Variants in SULT1B1 observed in about 807,000 individuals in gnomAD.
SULT1B1 encodes sulfotransferase 1B1.
A neutral mutation model predicts 34.6 loss-of-function variants in SULT1B1; 28 were observed. The observed-to-expected ratio is 0.81, with a 90% CI of 0.60 to 1.11. The LOEUF (loss-of-function observed/expected upper bound fraction) is 1.11, where lower values mean the gene tolerates loss of function less well. SULT1B1 is among the 50% of genes least tolerant of loss of function. The probability of loss-of-function intolerance (pLI) is 0.00; values close to 1 mark genes in which losing one functional copy is unlikely to be tolerated. For missense variants in SULT1B1, 374 were observed against 352.2 expected (o/e 1.06, Z -0.50); for synonymous variants, 147 against 110.2 (o/e 1.33, Z -2.09).
intron 3 of SULT1B1, among the ~76,000 whole-genome samples, chr4:69,753,423 T>A (rs1237549545): frequency 6.6e-6 from 1 of 152,210 alleles, no homozygotes; most frequent in Non-Finnish European, 1.5e-5. Flanking sequence ...CTCTATATAA[T>A]TTTTCTTTGC....
rs1240665958 is a variant in SULT1B1, at chr4:69,752,014, T to C, written c.278-2196A>G. On this transcript the variant is annotated intron_variant, in intron 3 of 7. Coordinates refer to ENST00000310613, the MANE Select transcript of SULT1B1 (RefSeq NM_014465.4). ...CCCTCAGTTCCAAGCTTTCCAAGGA[T>C]AGGCATGTTTAAGAACATCAAGACA... Among the ~76,000 whole-genome samples the C allele has an allele frequency of 2.0e-5, 3 of 152,356 alleles. No homozygotes were observed. In the East Asian group the frequency reaches 5.8e-4, roughly 29 times the overall value.
chr4:69,729,954 C>A (rs777562944), intron 7 of SULT1B1, among the ~76,000 whole-genome samples: 4 of 152,028 alleles, frequency 2.6e-5, no homozygotes, highest in Non-Finnish European at 5.9e-5. Flanking sequence ...CAGTAAATGC[C>A]ATATTCTTCT....
intron 1 of SULT1B1, among the ~76,000 whole-genome samples, chr4:69,756,960 G>GACACAC (rs3076390): frequency 1.6e-4 from 24 of 147,898 alleles, no homozygotes; most frequent in African/African-American, 5.2e-4. Context: ...CACCCTCACA[G>GACACAC]ACACACACAC....
In SULT1B1 at chr4:69,755,401, G is replaced by C. The variant is rs1368881371; in HGVS notation, c.-44-140C>G. On this transcript the variant is annotated intron_variant, in intron 1 of 7. Coordinates refer to ENST00000310613, the MANE Select transcript of SULT1B1 (RefSeq NM_014465.4). ...TAAGTACAAAGGGCATATTTTGTGG[G>C]CATTAGGTGCAGTAGATTGCAAGAG... 4 of 583,736 alleles carry C rather than the reference G, an allele frequency of 6.9e-6. No homozygotes were observed. In the East Asian group the frequency reaches 1.1e-4, roughly 17 times the overall value. The allele number at this position is 583,736 out of a possible 1,614,324, so 36.2% of individuals were successfully genotyped here. A position where few individuals can be genotyped will look rare whatever the true frequency, so the allele number is the denominator to read the frequency against.
chr4:69,732,325 C>G (rs1287762685), intron 6 of SULT1B1, among the ~76,000 whole-genome samples: 2 of 152,046 alleles, frequency 1.3e-5, no homozygotes, highest in Non-Finnish European at 2.9e-5. Context: ...TACGAGAAAC[C>G]CCTGGGAGTT....
intron 7 of SULT1B1, among the ~76,000 whole-genome samples, chr4:69,728,019 A>G (rs1372758369): frequency 6.6e-6 from 1 of 152,064 alleles, no homozygotes; most frequent in Non-Finnish European, 1.5e-5. Flanking sequence ...CTTTTAAAAG[A>G]AAAACATTCC....
intron 4 of SULT1B1, among the ~76,000 whole-genome samples, chr4:69,739,534 T>A (rs1376653553): frequency 1.3e-5 from 2 of 152,318 alleles, no homozygotes; most frequent in East Asian, 3.9e-4. Context: ...AGACTGCACA[T>A]AGCAGGAGGG....
At chr4:69,753,324 C>A (rs1394033) in intron 3 of SULT1B1, among the ~76,000 whole-genome samples, 80,533 of 151,588 alleles carry the variant, frequency 0.53, 21,681 homozygotes, top group South Asian at 0.56. Flanking sequence ...CAACAAGTCA[C>A]AAATATGTCT....
At chr4:69,745,771 T>A (rs1260218450) in intron 4 of SULT1B1, among the ~76,000 whole-genome samples, 2 of 152,234 alleles carry the variant, frequency 1.3e-5, no homozygotes, top group Non-Finnish European at 2.9e-5. Flanking sequence ...ATGGTTATTA[T>A]GTAGACTTGA....
At chr4:69,758,938 G>T (rs1026166831) in intron 1 of SULT1B1, among the ~76,000 whole-genome samples, 3 of 152,194 alleles carry the variant, frequency 2.0e-5, no homozygotes, top group Admixed American at 6.5e-5. Context: ...TGTTGGAAAT[G>T]TGGAATCTCA....
In SULT1B1 at chr4:69,722,301, C is replaced by G. The variant is rs1414046074; in HGVS notation, c.*4787G>C. On this transcript the variant is annotated 3_prime_UTR_variant, in exon 8 of 8. Transcript: ENST00000310613. ...AAAATGTGGAAATTATTTTATCTTGCTAGTGAAGAAAGTGTAGCTAATCTA... is the reference window on the plus strand; with the variant it reads ...AAAATGTGGAAATTATTTTATCTTGGTAGTGAAGAAAGTGTAGCTAATCTA... 6.6e-6 allele frequency: 1 copy of G among 152,006 alleles called. No homozygotes were observed. The allele number at this position is 152,006 out of a possible 1,614,324, so 9.4% of individuals were successfully genotyped here.
intron 4 of SULT1B1, among the ~76,000 whole-genome samples, chr4:69,747,900 CA>C (rs890530666): frequency 2.0e-5 from 3 of 152,108 alleles, no homozygotes; most frequent in African/African-American, 7.2e-5. Flanking sequence ...CCAGGGTCTG[CA>C]TTCTCCCTCT....
At position 69,723,842 on chromosome 4, in the gene SULT1B1, T is replaced by G. The variant is rs1717725683; in HGVS notation, c.*3246A>C. ...ATTCAACAGCCTTCATGCTAAAAAC[T>G]CTCAATAAATTAGGTATTGATGGAA... On this transcript the variant is annotated 3_prime_UTR_variant, in exon 8 of 8. Coordinates refer to ENST00000310613, the MANE Select transcript of SULT1B1 (RefSeq NM_014465.4). 1 of 152,184 alleles carries G rather than the reference T, an allele frequency of 6.6e-6. No homozygotes were observed. The highest frequency in any genetic ancestry group is 1.5e-5 in the Non-Finnish European group (1 of 68,044). 9.4% of individuals were successfully genotyped at this position (152,184 alleles called of 1,614,324 possible). A position where few individuals can be genotyped will look rare whatever the true frequency, so the allele number is the denominator to read the frequency against.
intron 4 of SULT1B1, among the ~76,000 whole-genome samples, chr4:69,743,076 T>G (rs1718613564): frequency 6.6e-6 from 1 of 152,334 alleles, no homozygotes; most frequent in Middle Eastern, 3.4e-3. Context: ...AGGTCTTCTC[T>G]CTTTCTCTCT....
rs1578040005 is a variant in SULT1B1, at chr4:69,722,763, A to G, written c.*4325T>C. 1 of 152,180 alleles carries G rather than the reference A, an allele frequency of 6.6e-6. No homozygotes were observed. The highest frequency in any genetic ancestry group is 2.1e-4 in the South Asian group (1 of 4,822). The allele number at this position is 152,180 out of a possible 1,614,324, so 9.4% of individuals were successfully genotyped here. A position where few individuals can be genotyped will look rare whatever the true frequency, so the allele number is the denominator to read the frequency against. On this transcript the variant is annotated 3_prime_UTR_variant, in exon 8 of 8. Transcript: ENST00000310613. ...AGCTATTCCTGGCTATTCCTGGCTGACAGCGGAGATTCACCTGTGAAGTCA... is the reference window on the plus strand; with the variant it reads ...AGCTATTCCTGGCTATTCCTGGCTGGCAGCGGAGATTCACCTGTGAAGTCA...
At chr4:69,727,239 T>A in intron 7 of SULT1B1, 39 bp from the exon 8 acceptor site, 1 of 1,537,704 alleles carries the variant, frequency 6.5e-7, no homozygotes, top group South Asian at 1.2e-5. Flanking sequence ...GAATAAAATA[T>A]TTCCATAAGA....
Position 69,722,458 on chromosome 4 carries a change from T to C in SULT1B1, c.*4630A>G, listed in dbSNP as rs956142185. The C allele has an allele frequency of 5.3e-5, 8 of 152,114 alleles. No individual in the cohort carries two copies. The highest frequency in any genetic ancestry group is 1.4e-4 in the African/African-American group (6 of 41,444). The allele number at this position is 152,114 out of a possible 1,614,324, so 9.4% of individuals were successfully genotyped here. A position where few individuals can be genotyped will look rare whatever the true frequency, so the allele number is the denominator to read the frequency against. On this transcript the variant is annotated 3_prime_UTR_variant, in exon 8 of 8. Transcript: ENST00000310613. ...GATAATAGAGGAAATAGATACATGA[T>C]TTAGTTTACTTCTCGTGGACAAGGG...
intron 4 of SULT1B1, among the ~76,000 whole-genome samples, chr4:69,744,127 C>T (rs1336860484): frequency 6.6e-6 from 1 of 152,158 alleles, no homozygotes; most frequent in Non-Finnish European, 1.5e-5. Flanking sequence ...TGGAACCCCT[C>T]TATGCCCTTC....
rs1206039675 is a variant in SULT1B1 at position 69,724,130 on chromosome 4, T to C, written c.*2958A>G. ...TGATTGTATATGTAGAAAACCCCAT[T>C]GTCTCAGCCCAAAATCTCCTTAAGC... On this transcript the variant is annotated 3_prime_UTR_variant, in exon 8 of 8. Transcript: ENST00000310613. 3 of 152,294 alleles carry C rather than the reference T, an allele frequency of 2.0e-5. No individual in the cohort carries two copies. Among genetic ancestry groups the C allele is most frequent in the South Asian group, 2.1e-4 (1 of 4,832 alleles). The allele number at this position is 152,294 out of a possible 1,614,324, so 9.4% of individuals were successfully genotyped here. A position where few individuals can be genotyped will look rare whatever the true frequency, so the allele number is the denominator to read the frequency against.
Sources: allele counts gnomAD v4.1 joint callset (sites outside exome capture counted in the v4.1 genomes callset), GRCh38; gene constraint gnomAD v4.1.1; transcripts MANE v1.5; gene names NCBI Gene and HGNC (gene_info 2026-07-23, HGNC 2026-07-21).